MAP2K4: variants seen among roughly 807,000 people sequenced by gnomAD.
MAP2K4 encodes mitogen-activated protein kinase kinase 4.
MAP2K4 carries 4 observed loss-of-function variants against 48.5 expected under a neutral mutation model. The ratio of observed to expected loss-of-function variants is 0.08; its 90% CI spans 0.04 to 0.19. The LOEUF (loss-of-function observed/expected upper bound fraction) is 0.19, where lower values mean the gene tolerates loss of function less well. MAP2K4 is among the 10% of genes least tolerant of loss of function. The pLI, the probability that MAP2K4 is intolerant of heterozygous loss-of-function variation, is 1.00. For missense variants in MAP2K4, 258 were observed against 493.3 expected (o/e 0.52, Z 4.52); for synonymous variants, 166 against 173.1 (o/e 0.96, Z 0.32).
intron 2 of MAP2K4, among the ~76,000 whole-genome samples, chr17:12,055,478 AT>A (rs1275780296): frequency 6.6e-6 from 1 of 152,042 alleles, no homozygotes; most frequent in Non-Finnish European, 1.5e-5. Flanking sequence ...ACCTCTTCTT[AT>A]TTCCCATCCT....
chr17:12,079,987 A>G (rs1394200600), intron 2 of MAP2K4, among the ~76,000 whole-genome samples: 1 of 152,264 alleles, frequency 6.6e-6, no homozygotes, highest in Non-Finnish European at 1.5e-5. Flanking sequence ...AAGCACTTGT[A>G]TGAATGAAAG....
chr17:12,044,689 A>G (rs890094080), intron 1 of MAP2K4, among the ~76,000 whole-genome samples: 5 of 152,328 alleles, frequency 3.3e-5, no homozygotes, highest in East Asian at 1.9e-4. Flanking sequence ...CTCCAGTTCA[A>G]TTATCACACA....
At chr17:12,127,451 T>A (rs778920876) in intron 8 of MAP2K4, among the ~76,000 whole-genome samples, 9 of 152,228 alleles carry the variant, frequency 5.9e-5, no homozygotes, top group Non-Finnish European at 1.3e-4. Flanking sequence ...AGTATGTACT[T>A]CTTTACAGAA....
intron 2 of MAP2K4, chr17:12,069,636 G>C (rs1285895210): frequency 2.1e-6 from 2 of 936,950 alleles, no homozygotes; most frequent in African/African-American, 1.8e-5. Context: ...TCATTTTTCA[G>C]TTTTTCCTTT....
intron 1 of MAP2K4, among the ~76,000 whole-genome samples, chr17:12,036,790 T>C (rs1969612879): frequency 1.3e-5 from 2 of 152,126 alleles, no homozygotes; most frequent in Admixed American, 6.5e-5. Context: ...CCTAACCGAA[T>C]TGTGTGCTAA....
chr17:12,067,733 A>G (rs1275701180), intron 2 of MAP2K4, among the ~76,000 whole-genome samples: 4 of 152,170 alleles, frequency 2.6e-5, no homozygotes, highest in Non-Finnish European at 5.9e-5. Context: ...GCAATCCAGT[A>G]TGTGTTCTTT....
chr17:12,115,447 G>A (rs1972458814), intron 7 of MAP2K4: 3 of 508,914 alleles, frequency 5.9e-6, no homozygotes, highest in Non-Finnish European at 1.1e-5. Context: ...AAATACTGTA[G>A]GTAATTATAT....
At position 12,107,902 on chromosome 17, in the gene MAP2K4, C is replaced by G. The variant is rs1260446708; in HGVS notation, c.626C>G (p.Thr209Ser). 6.3e-7 allele frequency: 1 copy of G among 1,593,202 alleles called. No homozygotes were observed. The highest frequency in any genetic ancestry group is 8.5e-7 in the Non-Finnish European group (1 of 1,171,852). ...VIPEEILGKI[T>S]LATVKALNHL... is the part of the protein sequence containing the mutation. ...CCAGAAGAAATTTTAGGCAAAATCA[C>G]TTTAGCAGTAAGTACCTGGTCTTTA... Residue 209 changes from threonine to serine, a missense_variant, in exon 5 of 11, where the codon ACT (threonine) becomes AGT (serine). Transcript: ENST00000353533.
chr17:12,118,978 AGTCT>A lies in MAP2K4; in HGVS notation c.813+5622_813+5625del, dbSNP rs1407833772. ...TTATATGCAAAAAATACATCTTTAG[AGTCT>A]GTCAGTAAACGGAAAGAAGGGGATA... On this transcript the variant is annotated intron_variant, in intron 7 of 10. Coordinates refer to ENST00000353533, the MANE Select transcript of MAP2K4 (RefSeq NM_003010.4). 5.9e-5 allele frequency among the ~76,000 whole-genome samples: 9 copies of A among 152,368 alleles called. No individual in the cohort carries two copies. The South Asian group carries it at 1.2e-3, about 21-fold the overall frequency.
intron 9 of MAP2K4, among the ~76,000 whole-genome samples, chr17:12,136,489 A>G (rs980490549): frequency 6.6e-6 from 1 of 152,350 alleles, no homozygotes; most frequent in East Asian, 1.9e-4. Context: ...GAGATGCTGG[A>G]AATGTCCTAT....
chr17:12,101,658 T>C (rs983556911), intron 4 of MAP2K4, among the ~76,000 whole-genome samples: 1 of 152,158 alleles, frequency 6.6e-6, no homozygotes, highest in Non-Finnish European at 1.5e-5. Flanking sequence ...TTGACCCTTT[T>C]TTGTGGCATC....
chr17:12,088,052 A>G (rs940922228), intron 3 of MAP2K4, among the ~76,000 whole-genome samples: 7 of 152,162 alleles, frequency 4.6e-5, no homozygotes, highest in East Asian at 1.9e-4. Context: ...ATGTGCTGCT[A>G]TGGTTTCTAG....
chr17:12,089,012 C>T (rs995631660), intron 3 of MAP2K4, among the ~76,000 whole-genome samples: 10 of 151,346 alleles, frequency 6.6e-5, no homozygotes, highest in Admixed American at 3.3e-4. Flanking sequence ...CCCGGGTTCA[C>T]GCCATTCTCC....
intron 3 of MAP2K4, among the ~76,000 whole-genome samples, chr17:12,088,862 A>G (rs1349097087): frequency 6.6e-6 from 1 of 150,450 alleles, no homozygotes; most frequent in Non-Finnish European, 1.5e-5. Flanking sequence ...TAGCCATCAT[A>G]TAATTGGACA....
chr17:12,040,972 A>G (rs756949531), intron 1 of MAP2K4, among the ~76,000 whole-genome samples: 1 of 152,032 alleles, frequency 6.6e-6, no homozygotes, highest in Non-Finnish European at 1.5e-5. Flanking sequence ...TGCTCTTTTG[A>G]TTTTCTTTTT....
intron 9 of MAP2K4, among the ~76,000 whole-genome samples, chr17:12,134,239 T>C (rs1277019029): frequency 3.3e-5 from 5 of 152,236 alleles, no homozygotes; most frequent in Non-Finnish European, 4.4e-5. Context: ...TGAGATTAAC[T>C]GTGATAAAGA....
intron 1 of MAP2K4, among the ~76,000 whole-genome samples, chr17:12,047,039 T>G (rs1458613662): frequency 6.6e-6 from 1 of 152,160 alleles, no homozygotes; most frequent in Non-Finnish European, 1.5e-5. Context: ...AGCAGTACCC[T>G]TTCAGGAACT....
At chr17:12,120,470 T>C (rs958598157) in intron 7 of MAP2K4, among the ~76,000 whole-genome samples, 2 of 150,060 alleles carry the variant, frequency 1.3e-5, no homozygotes, top group East Asian at 2.0e-4. Context: ...AAAAAACATA[T>C]ATATAAATAA....
chr17:12,107,254 G>GC (rs1972142617), intron 4 of MAP2K4, among the ~76,000 whole-genome samples: 1 of 152,064 alleles, frequency 6.6e-6, no homozygotes, highest in Admixed American at 6.6e-5. Flanking sequence ...ACAGAACAGA[G>GC]CAGGATAAGG....
Sources: gnomAD v4.1 joint callset for allele counts (sites outside exome capture counted in the v4.1 genomes callset) on GRCh38, gnomAD v4.1.1 for gene constraint, MANE v1.5 for transcripts, NCBI Gene and HGNC (gene_info 2026-07-23, HGNC 2026-07-21) for gene names.